THRB: variants seen among roughly 807,000 people sequenced by gnomAD.
THRB encodes the protein thyroid hormone receptor beta.
Under a neutral mutation model 47.8 loss-of-function variants are expected in THRB, and 12 were observed. The observed-to-expected ratio is 0.25, with a 90% CI of 0.16 to 0.41. The LOEUF (loss-of-function observed/expected upper bound fraction) is 0.41, where lower values mean the gene tolerates loss of function less well. THRB is among the 10% of genes least tolerant of loss of function. THRB has a pLI of 1.00. For synonymous variants in THRB, 218 were observed against 212.2 expected, an observed-to-expected ratio of 1.03 and a Z score of -0.24; for missense variants, 348 against 589.2, an observed-to-expected ratio of 0.59 and a Z score of 4.24.
intron 5 of THRB, among the ~76,000 whole-genome samples, chr3:24,169,166 C>A (rs1292882543): frequency 1.3e-5 from 2 of 152,112 alleles, no homozygotes; most frequent in Non-Finnish European, 2.9e-5. Context: ...GGGCTCATGG[C>A]CCCTGAGAAA....
At chr3:24,165,312 C>A in intron 5 of THRB, 1 of 764,950 alleles carries the variant, frequency 1.3e-6, no homozygotes, top group South Asian at 1.3e-5. Flanking sequence ...TTGCTGCCGG[C>A]AGCTGGGTGC....
At chr3:24,257,463 C>T (rs978605882) in intron 3 of THRB, among the ~76,000 whole-genome samples, 1 of 151,990 alleles carries the variant, frequency 6.6e-6, no homozygotes, top group Non-Finnish European at 1.5e-5. Context: ...ATACATGCTT[C>T]ATAGTAAAAA....
intron 1 of THRB, among the ~76,000 whole-genome samples, chr3:24,359,027 G>A (rs944681634): frequency 1.4e-4 from 21 of 152,124 alleles, no homozygotes; most frequent in African/African-American, 4.8e-4. Flanking sequence ...TTCTGTTCCA[G>A]TTATCTATTG....
chr3:24,233,591 G>GAAAGAGAAAGAAAGAAAAAT (rs2048522162), intron 3 of THRB, among the ~76,000 whole-genome samples: 1 of 69,316 alleles, frequency 1.4e-5, no homozygotes, highest in African/African-American at 3.6e-5. Context: ...AAGAAAGAAA[G>GAAAGAGAAAGAAAGAAAAAT]AAAGAAAGAA....
intron 1 of THRB, among the ~76,000 whole-genome samples, chr3:24,342,370 A>T (rs115051830): frequency 1.6e-3 from 250 of 152,246 alleles, no homozygotes; most frequent in African/African-American, 5.8e-3. Flanking sequence ...ATCCAGCAGG[A>T]AACCCCTAAG....
At chr3:24,190,645 A>C (rs2043214648) in intron 4 of THRB, among the ~76,000 whole-genome samples, 2 of 152,236 alleles carry the variant, frequency 1.3e-5, no homozygotes, top group African/African-American at 4.8e-5. Context: ...GCAAGTTTAC[A>C]CACCAATTTA....
intron 1 of THRB, among the ~76,000 whole-genome samples, chr3:24,363,557 A>C (rs148111943): frequency 1.7e-4 from 26 of 152,262 alleles, no homozygotes; most frequent in African/African-American, 6.0e-4. Flanking sequence ...CAAAACGTGA[A>C]GCTCAAGGGA....
chr3:24,370,713 A>AT (rs1364701732), intron 1 of THRB, among the ~76,000 whole-genome samples: 2 of 152,192 alleles, frequency 1.3e-5, no homozygotes, highest in African/African-American at 4.8e-5. Flanking sequence ...TTCGGGCACT[A>AT]TATCACTACT....
intron 1 of THRB, among the ~76,000 whole-genome samples, chr3:24,488,146 T>G (rs1237168192): frequency 6.6e-6 from 1 of 152,226 alleles, no homozygotes; most frequent in African/African-American, 2.4e-5. Context: ...AAAGAAGATA[T>G]GCCTGCTTTC....
intron 7 of THRB, among the ~76,000 whole-genome samples, chr3:24,146,295 A>G (rs1437109292): frequency 6.6e-6 from 1 of 152,214 alleles, no homozygotes; most frequent in Non-Finnish European, 1.5e-5. Context: ...CCATGTGAAC[A>G]CTGTGTATAG....
intron 4 of THRB, among the ~76,000 whole-genome samples, chr3:24,218,338 CTCTCTTTT>C (rs2046813326): frequency 9.4e-6 from 1 of 105,912 alleles, no homozygotes; most frequent in African/African-American, 4.8e-5. Flanking sequence ...CTCTCTCTCT[CTCTCTTTT>C]TTTTTTTTTT....
intron 5 of THRB, among the ~76,000 whole-genome samples, chr3:24,157,802 A>C (rs1029770272): frequency 6.6e-6 from 1 of 152,242 alleles, no homozygotes; most frequent in Non-Finnish European, 1.5e-5. Flanking sequence ...GAGTGTTGGG[A>C]CTACAGGCAT....
chr3:24,414,608 C>G lies in THRB; in HGVS notation c.-260-77237G>C, dbSNP rs377433560. 4.8e-4 allele frequency among the ~76,000 whole-genome samples: 73 copies of G among 151,900 alleles called. No individual in the cohort carries two copies. In the South Asian group the frequency reaches 0.01, roughly 22 times the overall value. ...CCGCTTCAGGATATGCTTCAATGTT[C>G]CCAGAGAATTCAGTTTTGAATTTTG... On this transcript the variant is annotated intron_variant, in intron 1 of 10. Transcript: ENST00000646209.
intron 1 of THRB, among the ~76,000 whole-genome samples, chr3:24,423,443 A>T (rs2069462919): frequency 6.6e-6 from 1 of 151,740 alleles, no homozygotes; most frequent in Admixed American, 6.6e-5. Context: ...TAAAGTGGAA[A>T]GCACAACTAT....
intron 3 of THRB, among the ~76,000 whole-genome samples, chr3:24,248,199 T>C (rs2885233): frequency 0.6 from 90,602 of 151,824 alleles, 29,185 homozygotes; most frequent in Middle Eastern, 0.76. Context: ...CCTAACAGTA[T>C]ACGAACTGGG....
intron 2 of THRB, among the ~76,000 whole-genome samples, chr3:24,320,218 G>C (rs757043244): frequency 2.6e-5 from 4 of 152,214 alleles, no homozygotes; most frequent in Admixed American, 6.5e-5. Flanking sequence ...AAGATGATCA[G>C]AAATCTCAAA....
At position 24,190,137 on chromosome 3, in the gene THRB, C is replaced by T. The variant is rs767041112; in HGVS notation, c.220G>A (p.Asp74Asn). Reference protein sequence around the residue: ...TSSIFHLDHDDVNDQSVSSAQ... With the variant: ...TSSIFHLDHDNVNDQSVSSAQ... ...CTTGAGACACTCTGGTCGTTCACAT[C>T]ATCATGGTCCAGATGGAATATTGAG... Residue 74 changes from aspartate to asparagine, a missense_variant, in exon 5 of 11, where the codon GAT (aspartate) becomes AAT (asparagine). By Grantham distance (23) the Asp-to-Asn change is conservative (BLOSUM62 1). Around this residue, in one of 5 missense-constraint regions of THRB, gnomAD observed 148 missense variants for 122.3 expected, o/e 1.21. Transcript: ENST00000646209. The T allele has an allele frequency of 6.2e-7, 1 of 1,614,086 alleles. No homozygotes were observed. Among genetic ancestry groups the T allele is most frequent in the East Asian group, 2.2e-5 (1 of 44,874 alleles).
At chr3:24,230,875 C>T (rs750922429) in intron 3 of THRB, among the ~76,000 whole-genome samples, 5 of 152,116 alleles carry the variant, frequency 3.3e-5, no homozygotes, top group Non-Finnish European at 5.9e-5. Context: ...TTATCTAGTT[C>T]CTCTCTAGGG....
chr3:24,256,097 G>A (rs1189063549), intron 3 of THRB, among the ~76,000 whole-genome samples: 2 of 152,180 alleles, frequency 1.3e-5, no homozygotes, highest in African/African-American at 4.8e-5. Context: ...GAGCTGGCAA[G>A]AGTCTGTGAG....
Sources: gnomAD v4.1 joint callset for allele counts (sites outside exome capture counted in the v4.1 genomes callset) on GRCh38, gnomAD v4.1.1 for gene constraint, gnomAD v4.1.1 regional missense constraint, MANE v1.5 for transcripts, NCBI Gene and HGNC (gene_info 2026-07-23, HGNC 2026-07-21) for gene names.